The following ADGRV1 variants were observed in gnomAD, a reference collection of about 807,000 sequenced individuals.
ADGRV1 encodes adhesion G protein-coupled receptor V1.
In ADGRV1, 359 loss-of-function variants were observed where a neutral mutation model predicts 596.2. The ratio of observed to expected loss-of-function variants is 0.60; its 90% confidence interval spans 0.55 to 0.66. The LOEUF (loss-of-function observed/expected upper bound fraction) is 0.66. ADGRV1 is among the 30% of genes least tolerant of loss of function. ADGRV1 has a pLI of 0.00. For synonymous variants in ADGRV1, 2,681 were observed against 2,679.2 expected (o/e 1.00, Z -0.02); for missense variants, 7,274 against 7,575.6 (o/e 0.96, Z 1.48).
intron 84 of ADGRV1, among the ~76,000 whole-genome samples, chr5:90,976,354 A>C (rs1176096494): frequency 6.9e-6 from 1 of 145,414 alleles, no homozygotes; most frequent in Non-Finnish European, 1.5e-5. Context: ...ATATATGTAT[A>C]TGTATATATG....
At position 90,789,706 on chromosome 5, in the gene ADGRV1, A is replaced by G. The variant is rs775262656; in HGVS notation, c.13898A>G (p.Gln4633Arg). The G allele has an allele frequency of 6.5e-7, 1 of 1,542,594 alleles. No individual in the cohort carries two copies. The highest frequency in any genetic ancestry group is 1.4e-5 in the African/African-American group (1 of 73,334). Reference protein sequence around the residue: ...SRAKDVTLTIQEFGDPNGVVQ... With the variant: ...SRAKDVTLTIREFGDPNGVVQ... ...TCTGTTGTTTATATTTTTTAGATAC[A>G]AGAGTTTGGTGACCCAAATGGAGTT... Residue 4633 changes from glutamine (Q) to arginine (R), a missense_variant, in exon 69 of 90, where the codon CAA becomes CGA. Transcript: ENST00000405460.
At chr5:90,723,178 G>A (rs1376388580) in intron 45 of ADGRV1, among the ~76,000 whole-genome samples, 2 of 152,122 alleles carry the variant, frequency 1.3e-5, no homozygotes, top group East Asian at 3.9e-4. Context: ...AGAGGTGAAA[G>A]AAGAGAGACC....
intron 71 of ADGRV1, among the ~76,000 whole-genome samples, chr5:90,803,286 T>A (rs960015352): frequency 6.6e-6 from 1 of 152,174 alleles, no homozygotes; most frequent in Non-Finnish European, 1.5e-5. Flanking sequence ...GATCCTGTGA[T>A]ATGGTTGCAA....
intron 89 of ADGRV1, among the ~76,000 whole-genome samples, chr5:91,163,390 C>T (rs777933121): frequency 4.6e-5 from 7 of 152,278 alleles, no homozygotes; most frequent in African/African-American, 9.6e-5. Context: ...CATATGAATT[C>T]GGGGCCTATA....
intron 1 of ADGRV1, among the ~76,000 whole-genome samples, chr5:90,574,946 T>C (rs1267921806): frequency 6.6e-6 from 1 of 152,176 alleles, no homozygotes; most frequent in African/African-American, 2.4e-5. Context: ...ACTTTTGTCA[T>C]TTCAGATTGT....
At chr5:91,042,843 A>T (rs1785480974) in intron 85 of ADGRV1, among the ~76,000 whole-genome samples, 1 of 152,174 alleles carries the variant, frequency 6.6e-6, no homozygotes, top group African/African-American at 2.4e-5. Context: ...AGCCTCCATG[A>T]CAGTTTCACA....
chr5:90,750,608 G>A lies in ADGRV1; in HGVS notation c.11032G>A (p.Val3678Ile), dbSNP rs1343381340. The A allele has an allele frequency of 1.7e-5, 27 of 1,612,218 alleles. No homozygotes were observed. Among genetic ancestry groups the A allele is most frequent in the African/African-American group, 6.7e-5 (5 of 74,876 alleles). ...GCAAGATAGCCTAGTAACCTTGAACGTTGAACGCTTAAAAGGAACATATGG... is the reference window on the plus strand; with the variant it reads ...GCAAGATAGCCTAGTAACCTTGAACATTGAACGCTTAAAAGGAACATATGG... The part of the protein sequence containing the change: ...MEQDSLVTLN[V>I]ERLKGTYGRI... The change falls in exon 53 of 90, where the codon GTT (valine) becomes ATT (isoleucine). Residue 3678 changes from valine (V) to isoleucine (I), a missense_variant. Around this residue, in one of 5 missense-constraint regions of ADGRV1, gnomAD observed 3,643 missense variants for 3,809.2 expected, o/e 0.96. Coordinates refer to ENST00000405460, the MANE Select transcript of ADGRV1 (RefSeq NM_032119.4).
chr5:90,757,282 TAA>T (rs1298896060), intron 57 of ADGRV1, 121 bp downstream of exon 57: 2 of 688,812 alleles, frequency 2.9e-6, no homozygotes, highest in Non-Finnish European at 4.8e-6. Flanking sequence ...GTTTCTATGT[TAA>T]GTCAAACAAA....
intron 86 of ADGRV1, among the ~76,000 whole-genome samples, chr5:91,083,621 T>C (rs1789614189): frequency 6.6e-6 from 1 of 152,216 alleles, no homozygotes; most frequent in Non-Finnish European, 1.5e-5. Flanking sequence ...ACAGAAGTAC[T>C]CTCTCAGTTG....
At chr5:90,850,832 T>C (rs1231381737) in intron 79 of ADGRV1, 2 of 152,146 alleles carry the variant, frequency 1.3e-5, no homozygotes, top group Admixed American at 6.5e-5. Context: ...CTTTTCTGTT[T>C]TGTTTTGTTG....
intron 87 of ADGRV1, among the ~76,000 whole-genome samples, chr5:91,126,291 C>T (rs1297836526): frequency 2.6e-5 from 4 of 152,166 alleles, no homozygotes; most frequent in East Asian, 1.9e-4. Context: ...GATGACTAAC[C>T]GGTGTTAACA....
At chr5:90,636,239 G>A (rs1766194429) in intron 10 of ADGRV1, among the ~76,000 whole-genome samples, 1 of 149,988 alleles carries the variant, frequency 6.7e-6, no homozygotes, top group Non-Finnish European at 1.5e-5. Flanking sequence ...CTGAGTCATA[G>A]TTGATCCCTG....
intron 86 of ADGRV1, among the ~76,000 whole-genome samples, chr5:91,074,515 T>C (rs780189802): frequency 1.2e-4 from 19 of 152,258 alleles, no homozygotes; most frequent in Non-Finnish European, 1.5e-5. Flanking sequence ...CTCGGTTTTT[T>C]ATGACTGCAT....
At position 90,642,674 on chromosome 5, in the gene ADGRV1, C is replaced by T. The variant is rs1767126217; in HGVS notation, c.2279C>T (p.Thr760Ile). 6.2e-7 allele frequency: 1 copy of T among 1,613,376 alleles called. No individual in the cohort carries two copies. Among genetic ancestry groups the T allele is most frequent in the African/African-American group, 1.3e-5 (1 of 74,878 alleles). Residue 760 changes from threonine (T) to isoleucine (I), a missense_variant, in exon 12 of 90, where the codon ACT (threonine) becomes ATT (isoleucine). Thr to Ile is a moderately conservative substitution (Grantham distance 89). Around this residue, in one of 5 missense-constraint regions of ADGRV1, gnomAD observed 1,715 missense variants for 1,708.8 expected, o/e 1.00. Transcript: ENST00000405460. ...VENQVLKSGY[T>I]SRDLIILEND... Reference sequence around the variant, plus strand: ...AACCAAGTGCTGAAATCTGGATATACTAGCCGTGACCTAATTATTTTGGAA... The same window carrying T: ...AACCAAGTGCTGAAATCTGGATATATTAGCCGTGACCTAATTATTTTGGAA...
At chr5:90,820,478 T>G (rs1349669269) in intron 75 of ADGRV1, among the ~76,000 whole-genome samples, 1 of 152,166 alleles carries the variant, frequency 6.6e-6, no homozygotes, top group Non-Finnish European at 1.5e-5. Flanking sequence ...GGGGTGATTT[T>G]GCTCATTAGT....
rs775411313 is a variant in ADGRV1 at position 90,965,453 on chromosome 5, C to G, written c.17895C>G (p.Leu5965=). 1.2e-6 allele frequency: 2 copies of G among 1,613,690 alleles called. No individual in the cohort carries two copies. The highest frequency in any genetic ancestry group is 1.7e-6 in the Non-Finnish European group (2 of 1,179,590). The part of the protein sequence containing the change: ...FLASAYASPQ[L]AEESCSAMAA... Reference sequence around the variant, plus strand: ...CGTCTGCATACGCAAGTCCCCAACTCGCTGAGGAGAGCTGTTCAGCTATGG... The same window carrying G: ...CGTCTGCATACGCAAGTCCCCAACTGGCTGAGGAGAGCTGTTCAGCTATGG... Residue 5965 remains leucine (L), a synonymous_variant, in exon 84 of 90, where the codon CTC becomes CTG. Coordinates refer to ENST00000405460, the MANE Select transcript of ADGRV1 (RefSeq NM_032119.4).
intron 85 of ADGRV1, among the ~76,000 whole-genome samples, chr5:91,046,267 A>G (rs2151292426): frequency 6.6e-6 from 1 of 152,326 alleles, no homozygotes; most frequent in East Asian, 1.9e-4. Context: ...ATTTCAAGCT[A>G]TGATATAAGG....
chr5:91,048,529 A>G (rs1786032202), intron 85 of ADGRV1, among the ~76,000 whole-genome samples: 1 of 152,196 alleles, frequency 6.6e-6, no homozygotes, highest in Admixed American at 6.5e-5. Context: ...GCTCCAGGGG[A>G]CACACAGTTA....
intron 86 of ADGRV1, among the ~76,000 whole-genome samples, chr5:91,101,788 T>A (rs1376337390): frequency 6.7e-6 from 1 of 149,216 alleles, no homozygotes; most frequent in Non-Finnish European, 1.5e-5. Context: ...CACGTGCGCA[T>A]GCACACACAC....
Sources: gnomAD v4.1 joint callset for allele counts (sites outside exome capture counted in the v4.1 genomes callset) on GRCh38, gnomAD v4.1.1 for gene constraint, gnomAD v4.1.1 regional missense constraint, MANE v1.5 for transcripts, NCBI Gene and HGNC (gene_info 2026-07-23, HGNC 2026-07-21) for gene names.